Variants in NSUN6 observed in about 807,000 individuals in gnomAD.
NSUN6 encodes the protein NOP2/Sun RNA methyltransferase 6.
NSUN6 carries 64 observed loss-of-function variants against 58.0 expected under a neutral mutation model. The ratio of observed to expected loss-of-function variants is 1.10; its 90% CI spans 0.90 to 1.36. The LOEUF is 1.36. NSUN6 is among the 40% of genes most tolerant of loss of function. NSUN6 has a pLI of 0.00. For missense variants in NSUN6, 701 were observed against 550.1 expected (o/e 1.27, Z -2.74); for synonymous variants, 231 against 193.9 (o/e 1.19, Z -1.59).
intron 3 of NSUN6, among the ~76,000 whole-genome samples, chr10:18,630,221 A>C (rs1429833331): frequency 4.0e-5 from 6 of 149,274 alleles, no homozygotes; most frequent in Admixed American, 2.0e-4. Flanking sequence ...ACAAAGACAC[A>C]ACATACCAGA....
At chr10:18,621,134 G>A (rs947824353) in intron 3 of NSUN6, among the ~76,000 whole-genome samples, 27 of 152,196 alleles carry the variant, frequency 1.8e-4, no homozygotes, top group African/African-American at 6.5e-4. Flanking sequence ...GTAAATACCA[G>A]CTTTCCTTCT....
chr10:18,599,381 T>G (rs535547926), intron 6 of NSUN6, among the ~76,000 whole-genome samples: 1 of 152,238 alleles, frequency 6.6e-6, no homozygotes, highest in East Asian at 1.9e-4. Context: ...TGTGAGCCAC[T>G]GTGCCCGGTG....
chr10:18,600,959 T>TATATATATATATATATATATATATATAC, intron 6 of NSUN6, among the ~76,000 whole-genome samples: 45 of 64,906 alleles, frequency 6.9e-4, no homozygotes, highest in East Asian at 4.4e-3. Flanking sequence ...TATATATATA[T>TATATATATATATATATATATATATATAC]ACATATATAT....
chr10:18,568,272 ATTCCATTCCTTT>A (rs1209633067), intron 8 of NSUN6, among the ~76,000 whole-genome samples: 1 of 150,772 alleles, frequency 6.6e-6, no homozygotes, highest in Non-Finnish European at 1.5e-5. Context: ...ACCATTCTCC[ATTCCATTCCTTT>A]TTCCATTCCA....
At chr10:18,647,180 TAGAG>T (rs1272423614) in intron 2 of NSUN6, among the ~76,000 whole-genome samples, 11 of 152,166 alleles carry the variant, frequency 7.2e-5, no homozygotes, top group Non-Finnish European at 1.6e-4. Context: ...ATAAATGTAA[TAGAG>T]AGATTTTTTA....
chr10:18,570,879 T>C (rs1313464678), intron 8 of NSUN6, among the ~76,000 whole-genome samples: 2 of 151,586 alleles, frequency 1.3e-5, no homozygotes, highest in Non-Finnish European at 3.0e-5. Context: ...CTGCATTCCA[T>C]AGCATTCTCC....
intron 8 of NSUN6, among the ~76,000 whole-genome samples, chr10:18,553,647 T>C (rs1242057432): frequency 1.3e-5 from 2 of 149,890 alleles, no homozygotes; most frequent in Non-Finnish European, 3.0e-5. Flanking sequence ...AAGAATGGAA[T>C]GGAATGGAGA....
At chr10:18,653,296 G>C (rs1441629015), upstream of NSUN6, 2 of 980,706 alleles carry the variant, frequency 2.0e-6, no homozygotes, top group African/African-American at 3.5e-5. Context: ...TATAAACTAT[G>C]GAAAGAAAAT....
At chr10:18,566,291 T>C (rs1384647947) in intron 8 of NSUN6, among the ~76,000 whole-genome samples, 1 of 132,836 alleles carries the variant, frequency 7.5e-6, no homozygotes, top group East Asian at 2.1e-4. Flanking sequence ...CTCCATCCCA[T>C]TCTATTCCAT....
At chr10:18,571,406 C>T (rs939584606) in intron 8 of NSUN6, among the ~76,000 whole-genome samples, 1 of 151,590 alleles carries the variant, frequency 6.6e-6, no homozygotes, top group African/African-American at 2.4e-5. Context: ...ACATTCCATT[C>T]CATTCTCTAT....
chr10:18,596,707 C>T (rs2057600433), intron 6 of NSUN6, among the ~76,000 whole-genome samples: 1 of 152,144 alleles, frequency 6.6e-6, no homozygotes, highest in African/African-American at 2.4e-5. Context: ...AATTGCAGGA[C>T]CACTCTGGAC....
In NSUN6 at chr10:18,545,947, A is replaced by AT; in HGVS notation, c.1395dup (p.Cys466MetfsTer58). The AT allele has an allele frequency of 6.4e-7, 1 of 1,573,738 alleles. No individual in the cohort carries two copies. The highest frequency in any genetic ancestry group is 8.6e-7 in the Non-Finnish European group (1 of 1,160,560). ...CCATCCCTCTCCTATGTGCTTTTGC[A>AT]TTTTACAAATTTTGCAATAAAAAAA... is the stretch of plus-strand genomic sequence containing the variant. On this transcript the variant is annotated frameshift_variant, in exon 11 of 11. Coordinates refer to ENST00000377304, the MANE Select transcript of NSUN6 (RefSeq NM_182543.5). LOFTEE classifies it high-confidence loss of function.
rs2058173301 is a variant in NSUN6, at chr10:18,609,914, T to C, written c.588A>G (p.Ile196Met). The C allele has an allele frequency of 6.3e-7, 1 of 1,592,938 alleles. No individual in the cohort carries two copies. Among genetic ancestry groups the C allele is most frequent in the Non-Finnish European group, 8.6e-7 (1 of 1,160,884 alleles). The change falls in exon 6 of 11, where the codon ATA becomes ATG. Residue 196 changes from isoleucine to methionine, a missense_variant. Transcript: ENST00000377304. ...SGLPELKGMGIRMTEPVYLSP... is the reference protein window; with the variant it reads ...SGLPELKGMGMRMTEPVYLSP... The stretch of plus-strand genomic sequence containing the variant: ...TGAGATATACTGGTTCTGTCATTCT[T>C]ATGCCCATGCCTCTGAAAAATAGGA...
intron 8 of NSUN6, among the ~76,000 whole-genome samples, chr10:18,568,454 A>C (rs912978716): frequency 6.9e-6 from 1 of 145,366 alleles, no homozygotes; most frequent in Non-Finnish European, 1.5e-5. Flanking sequence ...CTCCATCTCC[A>C]TTCCATTCCA....
At chr10:18,614,667 G>T in intron 4 of NSUN6, 54 bp from the exon 5 acceptor site, 1 of 980,712 alleles carries the variant, frequency 1.0e-6, no homozygotes. Context: ...CAGAAGAATC[G>T]TGAAAATTAT....
At chr10:18,639,860 A>G (rs567056206) in intron 3 of NSUN6, among the ~76,000 whole-genome samples, 8 of 152,378 alleles carry the variant, frequency 5.3e-5, no homozygotes, top group African/African-American at 1.9e-4. Context: ...AAAACTTTGT[A>G]GAGGGTAATC....
At chr10:18,611,073 T>A (rs916277520) in intron 5 of NSUN6, among the ~76,000 whole-genome samples, 1 of 151,858 alleles carries the variant, frequency 6.6e-6, no homozygotes, top group Non-Finnish European at 1.5e-5. Context: ...GTACCTGTAG[T>A]CAGTCCTGGC....
intron 8 of NSUN6, among the ~76,000 whole-genome samples, chr10:18,555,512 T>C (rs1215397113): frequency 1.4e-5 from 2 of 142,344 alleles, no homozygotes; most frequent in Admixed American, 1.4e-4. Context: ...GTATGGAGAA[T>C]GGAATGGAAG....
upstream of NSUN6, chr10:18,654,567 C>A (rs966973321): frequency 2.6e-5 from 4 of 152,146 alleles, no homozygotes; most frequent in East Asian, 1.9e-4. Context: ...GCATTTGAGA[C>A]ACAATAAATT....
Sources: allele counts gnomAD v4.1 joint callset (sites outside exome capture counted in the v4.1 genomes callset), GRCh38; gene constraint gnomAD v4.1.1; transcripts MANE v1.5; gene names NCBI Gene and HGNC (gene_info 2026-07-23, HGNC 2026-07-21).